Variants in ADGRV1 observed in about 807,000 individuals in gnomAD.
The protein encoded by ADGRV1 is G-protein coupled receptor 98.
In ADGRV1, 359 loss-of-function variants were observed where a neutral mutation model predicts 596.2. That is an observed-to-expected ratio of 0.60 (90% CI 0.55 to 0.66). The LOEUF (loss-of-function observed/expected upper bound fraction) is 0.66, where lower values mean the gene tolerates loss of function less well. Ranked by LOEUF, ADGRV1 falls within the 30% of genes least tolerant of loss-of-function variation. The pLI, the probability that ADGRV1 is intolerant of heterozygous loss-of-function variation, is 0.00. For missense variants in ADGRV1, 7,274 were observed against 7,575.6 expected (o/e 0.96, Z 1.48); for synonymous variants, 2,681 against 2,679.2 (o/e 1.00, Z -0.02).
intron 70 of ADGRV1, among the ~76,000 whole-genome samples, chr5:90,794,112 C>T (rs1258405920): frequency 3.3e-5 from 5 of 152,198 alleles, no homozygotes; most frequent in African/African-American, 1.2e-4. Flanking sequence ...CCCTCTTCTA[C>T]CTTCTTGGAT....
intron 88 of ADGRV1, among the ~76,000 whole-genome samples, chr5:91,151,371 G>T (rs1170793010): frequency 6.6e-6 from 1 of 152,176 alleles, no homozygotes; most frequent in Non-Finnish European, 1.5e-5. Context: ...GTTGTCAGGT[G>T]CTGGGGGTGA....
chr5:90,662,132 C>T (rs1038793210), intron 21 of ADGRV1, among the ~76,000 whole-genome samples: 2 of 150,418 alleles, frequency 1.3e-5, no homozygotes, highest in African/African-American at 4.9e-5. Flanking sequence ...AGTGTACTAG[C>T]TTCAATAATT....
intron 29 of ADGRV1, 73 bp downstream of exon 29, chr5:90,686,068 C>A: frequency 1.1e-6 from 1 of 883,228 alleles, no homozygotes; most frequent in Non-Finnish European, 1.5e-6. Flanking sequence ...CCTTGATTAA[C>A]ACAGCCTCTC....
At chr5:90,610,990 T>A (rs941454181) in intron 1 of ADGRV1, among the ~76,000 whole-genome samples, 12 of 151,814 alleles carry the variant, frequency 7.9e-5, no homozygotes, top group Admixed American at 7.2e-4. Flanking sequence ...TAAAGGAAAG[T>A]CTCCTAATTG....
chr5:90,873,300 G>T (rs868576896), intron 83 of ADGRV1, among the ~76,000 whole-genome samples: 2 of 152,166 alleles, frequency 1.3e-5, no homozygotes, highest in East Asian at 3.9e-4. Context: ...CTGCCAGGAT[G>T]GGGGAGGAGC....
chr5:91,126,179 A>C lies in ADGRV1; in HGVS notation c.18432+23839A>C, dbSNP rs553176472. Among the ~76,000 whole-genome samples, 6 of 152,346 alleles carry C rather than the reference A, an allele frequency of 3.9e-5. No homozygotes were observed. In the East Asian group the frequency reaches 1.2e-3, roughly 29 times the overall value. On this transcript the variant is annotated intron_variant, in intron 87 of 89. Transcript: ENST00000405460. ...TAAAGCTTAATTACAGAGCTGGCAC[A>C]GAGTTCCCAGTAAATTCTTGTTGAA...
At chr5:90,676,029 A>G (rs1021162141) in intron 24 of ADGRV1, 51 bp from the exon 25 acceptor site, 14 of 1,437,748 alleles carry the variant, frequency 9.7e-6, no homozygotes, top group South Asian at 7.7e-5. Flanking sequence ...ATTGTAATCT[A>G]TTCATATACA....
chr5:91,154,296 T>C (rs13184171), intron 89 of ADGRV1, among the ~76,000 whole-genome samples: 18,220 of 152,238 alleles, frequency 0.12, 1,149 homozygotes, highest in South Asian at 0.19. Flanking sequence ...TATTGAAATA[T>C]TTATTCAGAA....
chr5:90,833,238 C>A (rs1764669389), intron 77 of ADGRV1, among the ~76,000 whole-genome samples: 1 of 149,138 alleles, frequency 6.7e-6, no homozygotes, highest in Non-Finnish European at 1.5e-5. Flanking sequence ...CATTAAATAT[C>A]TGCATTTTTG....
intron 87 of ADGRV1, among the ~76,000 whole-genome samples, chr5:91,109,753 C>G (rs975039621): frequency 5.9e-5 from 9 of 152,130 alleles, no homozygotes; most frequent in African/African-American, 2.2e-4. Context: ...TCTGGCCAGG[C>G]CTGGGTCATG....
At chr5:91,041,560 A>G (rs1231844927) in intron 85 of ADGRV1, among the ~76,000 whole-genome samples, 2 of 152,072 alleles carry the variant, frequency 1.3e-5, no homozygotes, top group Middle Eastern at 3.4e-3. Context: ...GGGTGCAGTA[A>G]ACCACCATGG....
At chr5:90,886,431 A>C in intron 83 of ADGRV1, among the ~76,000 whole-genome samples, 1 of 152,148 alleles carries the variant, frequency 6.6e-6, no homozygotes, top group Non-Finnish European at 1.5e-5. Flanking sequence ...AGTTTAATAA[A>C]AATGCAGATT....
chr5:91,098,749 A>T (rs961892258), intron 86 of ADGRV1, among the ~76,000 whole-genome samples: 2 of 150,800 alleles, frequency 1.3e-5, no homozygotes, highest in African/African-American at 5.0e-5. Context: ...TTCTCCACTA[A>T]GCTCTGTCAG....
chr5:90,759,320 A>C (rs1028371439), intron 57 of ADGRV1, 89 bp from the exon 58 acceptor site: 15 of 991,406 alleles, frequency 1.5e-5, no homozygotes, highest in Non-Finnish European at 1.8e-5. Flanking sequence ...TGTCAGCAAA[A>C]ACTGTGATTA....
Position 90,712,528 on chromosome 5 carries a change from G to A in ADGRV1, c.9184+100G>A, listed in dbSNP as rs537959530. 235 of 901,666 alleles carry A rather than the reference G, an allele frequency of 2.6e-4. 2 individuals are homozygous for A. In the South Asian group the frequency reaches 4.4e-3, roughly 17 times the overall value. 55.9% of individuals were successfully genotyped at this position (901,666 alleles called of 1,614,324 possible). A position where few individuals can be genotyped will look rare whatever the true frequency, so the allele number is the denominator to read the frequency against. ...AATGAGAAAGTCTTGGTGGTTTTCT[G>A]TGCTTAAAATGAGAATGATTTTAAG... On this transcript the variant is annotated intron_variant, in intron 42 of 89. Coordinates refer to ENST00000405460, the MANE Select transcript of ADGRV1 (RefSeq NM_032119.4).
intron 87 of ADGRV1, among the ~76,000 whole-genome samples, chr5:91,128,815 A>G (rs542709777): frequency 6.6e-6 from 1 of 152,340 alleles, no homozygotes; most frequent in Middle Eastern, 3.4e-3. Context: ...GTTCACTCTC[A>G]GGCAAATCAG....
intron 45 of ADGRV1, 48 bp from the exon 46 acceptor site, chr5:90,724,784 G>A: frequency 1.3e-6 from 2 of 1,542,030 alleles, no homozygotes; most frequent in Non-Finnish European, 1.8e-6. Context: ...GAATAGATAA[G>A]TTTTTGAAGG....
chr5:90,883,100 CTG>C (rs1309963929), intron 83 of ADGRV1, among the ~76,000 whole-genome samples: 20 of 152,200 alleles, frequency 1.3e-4, no homozygotes, highest in African/African-American at 4.6e-4. Flanking sequence ...ATCTATAAAA[CTG>C]TTAGCCTCAA....
At chr5:90,638,077 G>A in intron 11 of ADGRV1, 129 bp downstream of exon 11, 1 of 613,064 alleles carries the variant, frequency 1.6e-6, no homozygotes, top group Non-Finnish European at 2.7e-6. Context: ...GTGTTATACT[G>A]GCCTTCAGAC....
Sources: gnomAD v4.1 joint callset for allele counts (sites outside exome capture counted in the v4.1 genomes callset) on GRCh38, gnomAD v4.1.1 for gene constraint, MANE v1.5 for transcripts, NCBI Gene and HGNC (gene_info 2026-07-23, HGNC 2026-07-21) for gene names.